PDE4B: variants seen among roughly 807,000 people sequenced by gnomAD.
The protein encoded by PDE4B is 3',5'-cyclic-AMP phosphodiesterase 4B.
In PDE4B, 20 loss-of-function variants were observed where a neutral mutation model predicts 82.2. The ratio of observed to expected loss-of-function variants is 0.24; its 90% CI spans 0.17 to 0.35. The LOEUF (loss-of-function observed/expected upper bound fraction) is 0.35. Ranked by LOEUF, PDE4B falls within the 10% of genes least tolerant of loss-of-function variation. The pLI, the probability that PDE4B is intolerant of heterozygous loss-of-function variation, is 1.00. For synonymous variants in PDE4B, 320 were observed against 318.9 expected (o/e 1.00, Z -0.04); for missense variants, 655 against 907.2 (o/e 0.72, Z 3.57).
intron 3 of PDE4B, among the ~76,000 whole-genome samples, chr1:66,186,472 G>C (rs1647217373): frequency 6.6e-6 from 1 of 152,170 alleles, no homozygotes; most frequent in Admixed American, 6.5e-5. Flanking sequence ...CATGAGCATG[G>C]AATGTTCTTC....
At chr1:66,044,988 T>C (rs1654608384) in intron 3 of PDE4B, among the ~76,000 whole-genome samples, 1 of 151,686 alleles carries the variant, frequency 6.6e-6, no homozygotes, top group South Asian at 2.1e-4. Context: ...AATAATGACA[T>C]ATTTTTAAAT....
At chr1:66,163,555 A>C (rs1343404642) in intron 3 of PDE4B, among the ~76,000 whole-genome samples, 2 of 152,184 alleles carry the variant, frequency 1.3e-5, no homozygotes, top group African/African-American at 4.8e-5. Flanking sequence ...TTCATATTAA[A>C]GAATTACTCA....
intron 7 of PDE4B, among the ~76,000 whole-genome samples, chr1:66,323,480 G>A (rs575427359): frequency 1.0e-3 from 157 of 152,204 alleles, no homozygotes; most frequent in African/African-American, 3.5e-3. Flanking sequence ...TAGGCTTCAA[G>A]TAAGCAAAAC....
At chr1:66,239,308 A>AC (rs972632637) in intron 3 of PDE4B, among the ~76,000 whole-genome samples, 1 of 151,982 alleles carries the variant, frequency 6.6e-6, no homozygotes, top group Non-Finnish European at 1.5e-5. Flanking sequence ...ATGCAAAGCC[A>AC]CCCCCCTCCC....
intron 3 of PDE4B, among the ~76,000 whole-genome samples, chr1:65,929,021 A>G (rs771510361): frequency 1.3e-5 from 2 of 152,170 alleles, no homozygotes; most frequent in Non-Finnish European, 2.9e-5. Flanking sequence ...TTCTGTTTAT[A>G]TAAATGAGAA....
intron 3 of PDE4B, among the ~76,000 whole-genome samples, chr1:66,049,268 T>C (rs1654888035): frequency 6.6e-6 from 1 of 152,008 alleles, no homozygotes; most frequent in African/African-American, 2.4e-5. Context: ...TTTCAGATAT[T>C]GTGAATGGAA....
intron 3 of PDE4B, among the ~76,000 whole-genome samples, chr1:66,202,440 A>C (rs867719502): frequency 7.2e-5 from 11 of 152,158 alleles, no homozygotes; most frequent in African/African-American, 2.7e-4. Flanking sequence ...TAATGTTGAC[A>C]GTGGGGTGTT....
chr1:66,355,005 T>A, intron 8 of PDE4B: 1 of 936,926 alleles, frequency 1.1e-6, no homozygotes, highest in Non-Finnish European at 1.6e-6. Context: ...TGTGTTCATT[T>A]AACCCACTGG....
chr1:66,289,966 A>G (rs1276514847), intron 7 of PDE4B, among the ~76,000 whole-genome samples: 2 of 152,168 alleles, frequency 1.3e-5, no homozygotes, highest in Non-Finnish European at 1.5e-5. Context: ...GAAAAGATTC[A>G]AGAATGAAAT....
chr1:66,279,539 C>T (rs903147504), intron 7 of PDE4B, among the ~76,000 whole-genome samples: 6 of 151,984 alleles, frequency 3.9e-5, no homozygotes, highest in East Asian at 1.9e-4. Flanking sequence ...GCAAGAGAAT[C>T]GCTTGAACTC....
chr1:65,863,757 A>C, intron 1 of PDE4B, among the ~76,000 whole-genome samples: 1 of 152,172 alleles, frequency 6.6e-6, no homozygotes, highest in South Asian at 2.1e-4. Context: ...ACCATTACGT[A>C]ATGCGTTTCT....
At chr1:66,278,618 A>G (rs1357797375) in intron 7 of PDE4B, among the ~76,000 whole-genome samples, 1 of 152,232 alleles carries the variant, frequency 6.6e-6, no homozygotes, top group Non-Finnish European at 1.5e-5. Flanking sequence ...ATAGGGCCTC[A>G]AAGGAACAAG....
chr1:65,884,721 A>G (rs912821123), intron 1 of PDE4B, among the ~76,000 whole-genome samples: 2 of 152,252 alleles, frequency 1.3e-5, no homozygotes, highest in African/African-American at 4.8e-5. Context: ...AAGATGGATT[A>G]AAGACTTGAA....
chr1:66,082,828 T>C (rs1461017908), intron 3 of PDE4B, among the ~76,000 whole-genome samples: 3 of 152,016 alleles, frequency 2.0e-5, no homozygotes, highest in Non-Finnish European at 2.9e-5. Context: ...AGGTTTGAAA[T>C]ACTATGCTAG....
chr1:65,897,028 T>C (rs1420616385), intron 1 of PDE4B, among the ~76,000 whole-genome samples: 2 of 152,146 alleles, frequency 1.3e-5, no homozygotes, highest in African/African-American at 4.8e-5. Flanking sequence ...TTCAGCAAAG[T>C]ATTTAATAAG....
chr1:66,239,367 A>T (rs74994412), intron 3 of PDE4B, among the ~76,000 whole-genome samples: 9,564 of 152,118 alleles, frequency 0.063, 955 homozygotes, highest in African/African-American at 0.21. Flanking sequence ...CACAAAATTA[A>T]TCTCTTTTAG....
At chr1:66,135,314 G>A (rs1453927768) in intron 3 of PDE4B, among the ~76,000 whole-genome samples, 2 of 152,192 alleles carry the variant, frequency 1.3e-5, no homozygotes, top group Admixed American at 6.5e-5. Flanking sequence ...TATACCATCA[G>A]ATTTTTACTT....
At chr1:66,038,946 C>G (rs977243442) in intron 3 of PDE4B, among the ~76,000 whole-genome samples, 3 of 151,994 alleles carry the variant, frequency 2.0e-5, no homozygotes, top group African/African-American at 7.2e-5. Flanking sequence ...TTGTGTGTAT[C>G]TCAGAAGTCC....
chr1:65,997,021 C>T (rs1321683870), intron 3 of PDE4B, among the ~76,000 whole-genome samples: 1 of 152,122 alleles, frequency 6.6e-6, no homozygotes, highest in East Asian at 1.9e-4. Flanking sequence ...CTTTTATAAC[C>T]TTCCCTTCTT....
Sources: allele counts gnomAD v4.1 joint callset (sites outside exome capture counted in the v4.1 genomes callset), GRCh38; gene constraint gnomAD v4.1.1; transcripts MANE v1.5; gene names NCBI Gene and HGNC (gene_info 2026-07-23, HGNC 2026-07-21).